The following SOAT1 variants were observed in gnomAD, a reference collection of about 807,000 sequenced individuals.
SOAT1 encodes acyl-coenzyme A:cholesterol acyltransferase 1.
In SOAT1, 55 loss-of-function variants were observed where a neutral mutation model predicts 69.5. That is an observed-to-expected ratio of 0.79 (90% CI 0.64 to 0.99). The LOEUF (loss-of-function observed/expected upper bound fraction) is 0.99. Ranked by LOEUF, SOAT1 falls within the 50% of genes least tolerant of loss-of-function variation. SOAT1 has a pLI of 0.00. For missense variants in SOAT1, 580 were observed against 669.3 expected (o/e 0.87, Z 1.47); for synonymous variants, 231 against 224.7 (o/e 1.03, Z -0.25).
chr1:179,311,704 G>C (rs1046744190), intron 2 of SOAT1, among the ~76,000 whole-genome samples: 1 of 152,082 alleles, frequency 6.6e-6, no homozygotes, highest in African/African-American at 2.4e-5. Context: ...TCATAGGTTT[G>C]ATGTTCAATT....
intron 3 of SOAT1, among the ~76,000 whole-genome samples, chr1:179,325,225 C>T (rs373898318): frequency 1.0e-4 from 15 of 150,092 alleles, no homozygotes; most frequent in African/African-American, 3.7e-4. Context: ...TCTCGGCTCA[C>T]TGCAAGCTCC....
At chr1:179,307,566 TA>T (rs11324275) in intron 2 of SOAT1, among the ~76,000 whole-genome samples, 35,933 of 150,244 alleles carry the variant, frequency 0.24, 4,459 homozygotes, top group East Asian at 0.46. Context: ...CCCCATCTCT[TA>T]AAAAAAAATG....
At chr1:179,340,726 G>T (rs892216339) in intron 6 of SOAT1, among the ~76,000 whole-genome samples, 1 of 151,834 alleles carries the variant, frequency 6.6e-6, no homozygotes, top group Non-Finnish European at 1.5e-5. Context: ...TCTTTCAGAA[G>T]TTCAAAGTCC....
chr1:179,344,919 T>C, intron 10 of SOAT1, 28 bp from the exon 11 acceptor site: 4 of 1,612,580 alleles, frequency 2.5e-6, no homozygotes, highest in African/African-American at 1.3e-5. Flanking sequence ...GCCATCGTTA[T>C]TATAATTCTG....
At chr1:179,326,036 C>G (rs895810065) in intron 3 of SOAT1, among the ~76,000 whole-genome samples, 1 of 152,008 alleles carries the variant, frequency 6.6e-6, no homozygotes, top group Admixed American at 6.6e-5. Flanking sequence ...AAGACTTGTT[C>G]CCTGATGTTA....
chr1:179,295,577 G>C (rs1478516769), intron 1 of SOAT1, among the ~76,000 whole-genome samples: 4 of 152,224 alleles, frequency 2.6e-5, no homozygotes. Context: ...GAGAAATACA[G>C]TGATCCCCAC....
At chr1:179,341,794 A>G (rs1021100887) in intron 7 of SOAT1, among the ~76,000 whole-genome samples, 10 of 152,122 alleles carry the variant, frequency 6.6e-5, no homozygotes, top group Admixed American at 5.9e-4. Flanking sequence ...CGGCCTCCCA[A>G]AGTGCTGAGA....
rs138281309 is a variant in SOAT1 at position 179,324,798 on chromosome 1, AGTTTGTTT to A, written c.177+1320_177+1327del. 1.3e-4 allele frequency among the ~76,000 whole-genome samples: 20 copies of A among 151,586 alleles called. No individual in the cohort carries two copies. The South Asian group carries it at 2.7e-3, about 21-fold the overall frequency. ...AATATTTAACGTATAGACACATGCT[AGTTTGTTT>A]GTTTGTTTGTTTGTTTTTGAGACAG... On this transcript the variant is annotated intron_variant, in intron 3 of 15. Transcript: ENST00000367619.
chr1:179,302,817 T>C lies in SOAT1; in HGVS notation c.118+15T>C. The C allele has an allele frequency of 6.8e-7, 1 of 1,479,368 alleles. No homozygotes were observed. 91.6% of individuals were successfully genotyped at this position (1,479,368 alleles called of 1,614,324 possible). ...ACCTAGTAATGGTGAGGCTTAATTT[T>C]TTTTTTTTAGGTGAATTAGTGAAAT... On this transcript the variant is annotated intron_variant, in intron 2 of 15. Transcript: ENST00000367619.
chr1:179,344,865 G>C, intron 10 of SOAT1, 82 bp from the exon 11 acceptor site: 1 of 1,343,358 alleles, frequency 7.4e-7, no homozygotes, highest in Non-Finnish European at 1.1e-6. Context: ...GGTCACATCT[G>C]TACTTTCTTT....
In SOAT1 at chr1:179,357,687, A is replaced by C. The variant is rs1214949189; in HGVS notation, c.*4046A>C. ...GGCAGGAGGATTGCTTGAGCTCAGA[A>C]GTTTGAGACCAGCCTGGGCAACATA... On this transcript the variant is annotated 3_prime_UTR_variant, in exon 16 of 16. Coordinates refer to ENST00000367619, the MANE Select transcript of SOAT1 (RefSeq NM_003101.6). The C allele has an allele frequency of 6.6e-6, 1 of 152,314 alleles. No individual in the cohort carries two copies. Among genetic ancestry groups the C allele is most frequent in the African/African-American group, 2.4e-5 (1 of 41,430 alleles). 9.4% of individuals were successfully genotyped at this position (152,314 alleles called of 1,614,324 possible).
intron 2 of SOAT1, among the ~76,000 whole-genome samples, chr1:179,323,061 T>TG (rs61489177): frequency 1.3e-5 from 2 of 150,290 alleles, no homozygotes; most frequent in Non-Finnish European, 1.5e-5. Context: ...TTTTTTTTTT[T>TG]GCCTCTGAAT....
intron 3 of SOAT1, among the ~76,000 whole-genome samples, chr1:179,325,167 T>TTTTG (rs1342365808): frequency 4.7e-5 from 7 of 148,662 alleles, no homozygotes; most frequent in African/African-American, 1.2e-4. Flanking sequence ...TTTTTTTTTT[T>TTTTG]GAGACAGAGT....
At chr1:179,299,685 T>C (rs1664764236) in intron 1 of SOAT1, among the ~76,000 whole-genome samples, 1 of 152,032 alleles carries the variant, frequency 6.6e-6, no homozygotes, top group Non-Finnish European at 1.5e-5. Flanking sequence ...TGCTATACTG[T>C]TTCATATGGC....
chr1:179,351,721 A>ATTTTTTTTTTTTT lies in SOAT1; in HGVS notation c.1596+263_1596+275dup, dbSNP rs71901753. ...ACTGCCTTTTCTTCAGCCCCTTCTA[A>ATTTTTTTTTTTTT]TTTTTTTTTTTTTTTTGAGACAGAG... On this transcript the variant is annotated intron_variant, in intron 15 of 15. Coordinates refer to ENST00000367619, the MANE Select transcript of SOAT1 (RefSeq NM_003101.6). Among the ~76,000 whole-genome samples the ATTTTTTTTTTTTT allele has an allele frequency of 1.2e-3, 127 of 106,430 alleles. 7 individuals are homozygous for ATTTTTTTTTTTTT. The highest frequency in any genetic ancestry group is 4.9e-3 in the East Asian group (16 of 3,298). 69.8% of individuals were successfully genotyped at this position (106,430 alleles called of 152,430 possible). A position where few individuals can be genotyped will look rare whatever the true frequency, so the allele number is the denominator to read the frequency against.
chr1:179,350,918 AAT>A (rs1439422264), intron 14 of SOAT1, among the ~76,000 whole-genome samples: 1 of 152,148 alleles, frequency 6.6e-6, no homozygotes, highest in African/African-American at 2.4e-5. Flanking sequence ...AGAATAAAAA[AAT>A]ATATAAACAG....
Position 179,356,854 on chromosome 1 carries a change from GTT to G in SOAT1, c.*3225_*3226del, listed in dbSNP as rs372630515. The G allele has an allele frequency of 2.2e-5, 3 of 138,844 alleles. No homozygotes were observed. The highest frequency in any genetic ancestry group is 2.7e-5 in the African/African-American group (1 of 36,486). 8.6% of individuals were successfully genotyped at this position (138,844 alleles called of 1,614,324 possible). A position where few individuals can be genotyped will look rare whatever the true frequency, so the allele number is the denominator to read the frequency against. ...ACCACCACACCCAGCTAATTTATTT[GTT>G]TTTTTTTTTTTAGAGATGGGGGGGG... On this transcript the variant is annotated 3_prime_UTR_variant, in exon 16 of 16. Transcript: ENST00000367619.
chr1:179,336,772 G>GGGCA (rs1666172354), intron 4 of SOAT1, among the ~76,000 whole-genome samples: 1 of 151,960 alleles, frequency 6.6e-6, no homozygotes, highest in Non-Finnish European at 1.5e-5. Flanking sequence ...CAAGGCAGGT[G>GGGCA]GATCACGAGG....
intron 3 of SOAT1, among the ~76,000 whole-genome samples, chr1:179,325,008 T>TTA (rs35352402): frequency 0.98 from 149,573 of 152,018 alleles, 73,637 homozygotes; most frequent in Middle Eastern, 1. Flanking sequence ...TTTCACTGCA[T>TTA]GCCAGGATGG....
Sources: gnomAD v4.1 joint callset for allele counts (sites outside exome capture counted in the v4.1 genomes callset) on GRCh38, gnomAD v4.1.1 for gene constraint, MANE v1.5 for transcripts, NCBI Gene and HGNC (gene_info 2026-07-23, HGNC 2026-07-21) for gene names.